USP25: variants seen among roughly 807,000 people sequenced by gnomAD.
The protein encoded by USP25 is ubiquitin specific peptidase 25.
Under a neutral mutation model 158.5 loss-of-function variants are expected in USP25, and 85 were observed. That is an observed-to-expected ratio of 0.54 (90% CI 0.45 to 0.64). USP25 has a LOEUF of 0.64. USP25 is among the 30% of genes least tolerant of loss of function. The pLI is 0.00. For synonymous variants in USP25, 464 were observed against 460.4 expected (o/e 1.01, Z -0.10); for missense variants, 1,242 against 1,327.3 (o/e 0.94, Z 1.00).
chr21:15,768,022 C>T (rs2034142090), intron 3 of USP25, among the ~76,000 whole-genome samples: 1 of 152,000 alleles, frequency 6.6e-6, no homozygotes, highest in Non-Finnish European at 1.5e-5. Context: ...TTTCAGGAGG[C>T]ACGTGTCTCA....
In USP25 at chr21:15,835,404, C is replaced by T. The variant is rs2038016343; in HGVS notation, c.2194+1856C>T. 4.6e-5 allele frequency among the ~76,000 whole-genome samples: 7 copies of T among 152,282 alleles called. No homozygotes were observed. In the South Asian group the frequency reaches 1.4e-3, roughly 32 times the overall value. The stretch of plus-strand genomic sequence containing the variant: ...AACTAATATTCCTATCTATTAAGGA[C>T]TAGCCTTGCCCCATCCTCATTTTAC... On this transcript the variant is annotated intron_variant, in intron 17 of 25. Transcript: ENST00000400183.
chr21:15,830,456 G>T, intron 14 of USP25, 75 bp from the exon 15 acceptor site: 1 of 1,295,984 alleles, frequency 7.7e-7, no homozygotes. Flanking sequence ...ATGTTTGTAG[G>T]AAAAACATTA....
At chr21:15,852,976 G>A (rs2823506) in intron 20 of USP25, among the ~76,000 whole-genome samples, 42,829 of 151,886 alleles carry the variant, frequency 0.28, 8,056 homozygotes, top group African/African-American at 0.54. Flanking sequence ...AAATTTTTTC[G>A]TATAAAAAAT....
Position 15,828,623 on chromosome 21 carries a change from T to G in USP25, c.1693+1420T>G, listed in dbSNP as rs144913706. On this transcript the variant is annotated intron_variant, in intron 14 of 25. Transcript: ENST00000400183. ...GAGGAAAGAGAAATATGATGAGTTCTCTTTTGGCCATTTTAAGTTTGAAGA... is the reference window on the plus strand; with the variant it reads ...GAGGAAAGAGAAATATGATGAGTTCGCTTTTGGCCATTTTAAGTTTGAAGA... Among the ~76,000 whole-genome samples, 355 of 152,282 alleles carry G rather than the reference T, an allele frequency of 2.3e-3. 5 individuals are homozygous for G. Among genetic ancestry groups the G allele is most frequent in the Middle Eastern group, 0.01 (3 of 294 alleles).
intron 24 of USP25, chr21:15,876,215 T>C (rs1292050234): frequency 6.6e-6 from 1 of 152,242 alleles, no homozygotes; most frequent in Non-Finnish European, 1.5e-5. Context: ...AAACTTGTCA[T>C]TAAATTTTAT....
chr21:15,811,578 T>G (rs1658175611), intron 9 of USP25, among the ~76,000 whole-genome samples: 1 of 152,220 alleles, frequency 6.6e-6, no homozygotes, highest in African/African-American at 2.4e-5. Flanking sequence ...CTTTTTCATG[T>G]TGAAAGCTGA....
intron 1 of USP25, among the ~76,000 whole-genome samples, chr21:15,738,481 T>G (rs2031730288): frequency 6.6e-6 from 1 of 152,234 alleles, no homozygotes; most frequent in Non-Finnish European, 1.5e-5. Flanking sequence ...ACAAAACTAT[T>G]GTACATCTTT....
At position 15,765,331 on chromosome 21, in the gene USP25, T is replaced by C. The variant is rs553928654; in HGVS notation, c.124-666T>C. 2.0e-5 allele frequency among the ~76,000 whole-genome samples: 3 copies of C among 152,282 alleles called. No homozygotes were observed. In the South Asian group the frequency reaches 6.2e-4, roughly 32 times the overall value. The stretch of plus-strand genomic sequence containing the variant: ...TTGCTGTTTTAAATTAAAATTCTTA[T>C]TCTGGCATCTGCTTTCTTCTAAATA... On this transcript the variant is annotated intron_variant, in intron 2 of 25. Coordinates refer to ENST00000400183, the MANE Select transcript of USP25 (RefSeq NM_001283041.3).
rs574957399 is a variant in USP25, at chr21:15,795,972, A to G, written c.556-3785A>G. 2.6e-5 allele frequency among the ~76,000 whole-genome samples: 4 copies of G among 151,558 alleles called. No individual in the cohort carries two copies. The East Asian group carries it at 7.8e-4, about 29-fold the overall frequency. On this transcript the variant is annotated intron_variant, in intron 5 of 25. Coordinates refer to ENST00000400183, the MANE Select transcript of USP25 (RefSeq NM_001283041.3). Reference sequence around the variant, plus strand: ...GTTTCATTTCCTCTGCACTCTTGCCATCACTTCTTTCTTTTTCACAAATTA... The same window carrying G: ...GTTTCATTTCCTCTGCACTCTTGCCGTCACTTCTTTCTTTTTCACAAATTA...
At position 15,730,100 on chromosome 21, in the gene USP25, C is replaced by T. The variant is rs2030629584; in HGVS notation, c.-294C>T. The stretch of plus-strand genomic sequence containing the variant: ...CCGACTGGCTCGCGCTCTCCCGTGC[C>T]CCGGCGTCCTCCGCCCGCTCATGGC... On this transcript the variant is annotated 5_prime_UTR_variant, in exon 1 of 26. Coordinates refer to ENST00000400183, the MANE Select transcript of USP25 (RefSeq NM_001283041.3). 6.5e-6 allele frequency: 1 copy of T among 153,216 alleles called. No individual in the cohort carries two copies. The highest frequency in any genetic ancestry group is 1.4e-5 in the Non-Finnish European group (1 of 69,402). The allele number at this position is 153,216 out of a possible 1,614,324, so 9.5% of individuals were successfully genotyped here. A position where few individuals can be genotyped will look rare whatever the true frequency, so the allele number is the denominator to read the frequency against.
At chr21:15,857,683 T>C (rs902825613) in intron 20 of USP25, among the ~76,000 whole-genome samples, 2 of 152,116 alleles carry the variant, frequency 1.3e-5, no homozygotes, top group African/African-American at 4.8e-5. Context: ...ATTTGTCTTT[T>C]AAATTTATTT....
intron 4 of USP25, among the ~76,000 whole-genome samples, chr21:15,782,587 C>T (rs2035028200): frequency 6.6e-6 from 1 of 152,184 alleles, no homozygotes; most frequent in Admixed American, 6.5e-5. Flanking sequence ...CATGCCACCA[C>T]AGTCATGGGC....
At chr21:15,764,112 A>G (rs185879479) in intron 2 of USP25, among the ~76,000 whole-genome samples, 43 of 152,282 alleles carry the variant, frequency 2.8e-4, no homozygotes, top group African/African-American at 9.9e-4. Context: ...GTATGAAGCC[A>G]CTGTAAGTAT....
intron 1 of USP25, among the ~76,000 whole-genome samples, chr21:15,751,044 A>G (rs2032977900): frequency 6.6e-6 from 1 of 152,174 alleles, no homozygotes; most frequent in South Asian, 2.1e-4. Context: ...AACAAAGGAG[A>G]TTTGGTGTAA....
At chr21:15,858,922 C>CTTA (rs1278248649) in intron 20 of USP25, among the ~76,000 whole-genome samples, 5 of 151,552 alleles carry the variant, frequency 3.3e-5, no homozygotes, top group African/African-American at 4.8e-5. Flanking sequence ...CTTGTAAACC[C>CTTA]TTAATTCTTA....
In USP25 at chr21:15,826,065, C is replaced by T. The variant is rs891546876; in HGVS notation, c.1305-139C>T. ...TTTCTTAAGTGTATATTCAGTTTTA[C>T]CATCTTCGTTTTAAAGCAAATGAAT... On this transcript the variant is annotated intron_variant, in intron 12 of 25. Coordinates refer to ENST00000400183, the MANE Select transcript of USP25 (RefSeq NM_001283041.3). The surrounding 1 kb of genome is among the most constrained non-coding windows in gnomAD (Gnocchi z 4.8). 1.0e-6 allele frequency: 1 copy of T among 981,860 alleles called. No homozygotes were observed. Among genetic ancestry groups the T allele is most frequent in the Non-Finnish European group, 1.5e-6 (1 of 685,298 alleles). The allele number at this position is 981,860 out of a possible 1,614,324, so 60.8% of individuals were successfully genotyped here.
At chr21:15,784,367 G>A (rs2035155747) in intron 4 of USP25, among the ~76,000 whole-genome samples, 1 of 152,188 alleles carries the variant, frequency 6.6e-6, no homozygotes, top group South Asian at 2.1e-4. Flanking sequence ...GAGGTCAGGA[G>A]TTTGAGACCA....
chr21:15,827,342 A>G, intron 14 of USP25, 139 bp downstream of exon 14: 1 of 784,436 alleles, frequency 1.3e-6, no homozygotes, highest in Non-Finnish European at 2.0e-6. Context: ...TTTTAAGATA[A>G]ACTAGTTTGG....
At chr21:15,772,120 TG>T (rs2034392143) in intron 3 of USP25, among the ~76,000 whole-genome samples, 1 of 152,200 alleles carries the variant, frequency 6.6e-6, no homozygotes, top group Non-Finnish European at 1.5e-5. Context: ...AATATTTTCA[TG>T]GGAAAGTGAA....
Sources: allele counts gnomAD v4.1 joint callset (sites outside exome capture counted in the v4.1 genomes callset), GRCh38; gene constraint gnomAD v4.1.1; non-coding constraint Gnocchi (gnomAD v3.1); transcripts MANE v1.5; gene names NCBI Gene and HGNC (gene_info 2026-07-23, HGNC 2026-07-21).